The following SCML4 variants were observed in gnomAD, a reference collection of about 807,000 sequenced individuals.
The protein encoded by SCML4 is Scm polycomb group protein like 4.
SCML4 carries 34 observed loss-of-function variants against 41.1 expected under a neutral mutation model. The observed-to-expected ratio is 0.83, with a 90% CI of 0.63 to 1.10. The LOEUF (loss-of-function observed/expected upper bound fraction) is 1.10. Among genes scored for constraint, SCML4 ranks in the 50% least tolerant of loss-of-function variants. SCML4 has a pLI of 0.00. For synonymous variants in SCML4, 214 were observed against 220.9 expected, an observed-to-expected ratio of 0.97 and a Z score of 0.28; for missense variants, 522 against 534.1, an observed-to-expected ratio of 0.98 and a Z score of 0.22.
intron 5 of SCML4, among the ~76,000 whole-genome samples, chr6:107,732,704 A>G (rs1776684682): frequency 6.6e-6 from 1 of 152,142 alleles, no homozygotes; most frequent in Non-Finnish European, 1.5e-5. Flanking sequence ...ATGATCTCGC[A>G]GCTTTGCCAA....
chr6:107,795,228 G>C (rs1782619116), intron 1 of SCML4, among the ~76,000 whole-genome samples: 1 of 152,146 alleles, frequency 6.6e-6, no homozygotes, highest in African/African-American at 2.4e-5. Context: ...GCAGTCTTTT[G>C]CTGTCATTTA....
chr6:107,812,605 C>T (rs1193063988), intron 1 of SCML4, among the ~76,000 whole-genome samples: 6 of 152,136 alleles, frequency 3.9e-5, no homozygotes, highest in African/African-American at 1.4e-4. Context: ...CCCAATCCAT[C>T]GAAGGCCTGA....
At chr6:107,741,526 C>G (rs952903797) in intron 5 of SCML4, among the ~76,000 whole-genome samples, 2 of 152,162 alleles carry the variant, frequency 1.3e-5, no homozygotes, top group Non-Finnish European at 2.9e-5. Context: ...AACTACCATC[C>G]CCAGCCCTGG....
intron 1 of SCML4, among the ~76,000 whole-genome samples, chr6:107,799,499 G>C (rs1229378891): frequency 1.3e-5 from 2 of 152,018 alleles, no homozygotes; most frequent in African/African-American, 4.8e-5. Context: ...TCTTGTTTTT[G>C]TTATTCAGTC....
At chr6:107,821,622 T>C (rs1305010182) in intron 1 of SCML4, among the ~76,000 whole-genome samples, 3 of 152,184 alleles carry the variant, frequency 2.0e-5, no homozygotes, top group East Asian at 1.9e-4. Context: ...AGGGGAAGAA[T>C]GACACTGGAG....
At chr6:107,825,836 C>T (rs1023517700), upstream of SCML4, among the ~76,000 whole-genome samples, 8 of 145,322 alleles carry the variant, frequency 5.5e-5, no homozygotes, top group African/African-American at 1.8e-4. Flanking sequence ...ACTTGGGAGG[C>T]TGAGGAGGGA....
intron 1 of SCML4, among the ~76,000 whole-genome samples, chr6:107,803,156 G>C (rs540561735): frequency 6.6e-6 from 1 of 151,122 alleles, no homozygotes; most frequent in Admixed American, 6.6e-5. Flanking sequence ...GCCTTTGCCC[G>C]GCCGCCACCC....
intron 2 of SCML4, among the ~76,000 whole-genome samples, chr6:107,756,109 T>C (rs574053040): frequency 4.6e-4 from 70 of 152,356 alleles, no homozygotes; most frequent in Admixed American, 4.1e-3. Flanking sequence ...AAATAATTTA[T>C]GTAGACACCC....
intron 6 of SCML4, among the ~76,000 whole-genome samples, chr6:107,717,204 C>T (rs1001230847): frequency 7.1e-6 from 1 of 140,974 alleles, no homozygotes; most frequent in Non-Finnish European, 1.5e-5. Context: ...CCTGTAGTCC[C>T]AGCTACTCAG....
chr6:107,813,100 T>G (rs1208164789), intron 1 of SCML4, among the ~76,000 whole-genome samples: 5 of 151,790 alleles, frequency 3.3e-5, no homozygotes, highest in African/African-American at 1.2e-4. Context: ...TGGTGGCTCA[T>G]GCTTATAGTC....
intron 6 of SCML4, among the ~76,000 whole-genome samples, chr6:107,716,972 T>C (rs1001284630): frequency 1.3e-5 from 2 of 151,464 alleles, no homozygotes; most frequent in South Asian, 4.2e-4. Flanking sequence ...GTACCTGCGG[T>C]TTTATTTAGC....
At chr6:107,819,221 C>T (rs1562290578) in intron 1 of SCML4, among the ~76,000 whole-genome samples, 1 of 47,566 alleles carries the variant, frequency 2.1e-5, no homozygotes, top group South Asian at 9.8e-4. Context: ...TTTCCCCTGG[C>T]TGGATTTAGA....
the SCML4 span, among the ~76,000 whole-genome samples, chr6:107,844,593 G>T: frequency 1.3e-5 from 2 of 152,088 alleles, no homozygotes; most frequent in African/African-American, 2.4e-5. Context: ...CAGCTACTTG[G>T]GAGGCTGAGG....
chr6:107,707,762 C>T (rs1773803200), intron 7 of SCML4, 104 bp downstream of exon 7: 8 of 1,451,984 alleles, frequency 5.5e-6, no homozygotes, highest in Non-Finnish European at 7.5e-6. Context: ...TAGAGCACCC[C>T]TCCACCACCT....
chr6:107,842,609 G>T, the SCML4 span, among the ~76,000 whole-genome samples: 7 of 152,180 alleles, frequency 4.6e-5, no homozygotes, highest in Middle Eastern at 3.2e-3. Flanking sequence ...GCCTAGGCAG[G>T]TCTCAAACTC....
chr6:107,746,858 C>T lies in SCML4; in HGVS notation c.318G>A (p.Ala106=), dbSNP rs371827897. The T allele has an allele frequency of 4.0e-5, 64 of 1,613,578 alleles. No individual in the cohort carries two copies. The African/African-American group carries it at 5.3e-4, about 13-fold the overall frequency. ...CCTTCTTCCTCTCCAGATAGGGCCC[C>T]GCATTGGCCTGCTTGTTGATGTAGA... is the stretch of plus-strand genomic sequence containing the variant. ...VCLYINKQAN[A]GPYLERKKVQ... is the part of the protein sequence containing the mutation. Residue 106 remains alanine, a synonymous_variant, in exon 4 of 8, where the codon GCG becomes GCA. Coordinates refer to ENST00000369020, the MANE Select transcript of SCML4 (RefSeq NM_198081.5).
chr6:107,734,641 A>G (rs776330358), intron 5 of SCML4, among the ~76,000 whole-genome samples: 5 of 152,204 alleles, frequency 3.3e-5, no homozygotes, highest in Admixed American at 6.5e-5. Flanking sequence ...ATGTACAGAT[A>G]TCATAATTTA....
At chr6:107,830,646 G>GGA in the SCML4 span, among the ~76,000 whole-genome samples, 1 of 151,934 alleles carries the variant, frequency 6.6e-6, no homozygotes, top group South Asian at 2.1e-4. Flanking sequence ...AGTTAAAGTG[G>GGA]GAGATCTCAT....
At chr6:107,823,239 A>G (rs1237657365) in intron 1 of SCML4, among the ~76,000 whole-genome samples, 1 of 152,208 alleles carries the variant, frequency 6.6e-6, no homozygotes, top group Admixed American at 6.5e-5. Flanking sequence ...TCTAGAGACA[A>G]CACGAGGAGA....
Sources: allele counts gnomAD v4.1 joint callset (sites outside exome capture counted in the v4.1 genomes callset), GRCh38; gene constraint gnomAD v4.1.1; transcripts MANE v1.5; gene names NCBI Gene and HGNC (gene_info 2026-07-23, HGNC 2026-07-21).